Variants in NVL observed in about 807,000 individuals in gnomAD.
NVL encodes the protein nuclear valosin-containing protein-like.
Under a neutral mutation model 110.2 loss-of-function variants are expected in NVL, and 84 were observed. The observed-to-expected ratio is 0.76, with a 90% CI of 0.64 to 0.91. NVL has a LOEUF of 0.91. Among genes scored for constraint, NVL ranks in the 40% least tolerant of loss-of-function variants. NVL has a pLI of 0.00. For missense variants in NVL, 882 were observed against 1,035.9 expected, an observed-to-expected ratio of 0.85 and a Z score of 2.04; for synonymous variants, 354 against 361.1, an observed-to-expected ratio of 0.98 and a Z score of 0.22.
chr1:224,323,688 A>G (rs1465624834), intron 2 of NVL, among the ~76,000 whole-genome samples: 4 of 152,172 alleles, frequency 2.6e-5, no homozygotes, highest in Non-Finnish European at 5.9e-5. Flanking sequence ...GGCTCAAAAG[A>G]AGGCAGGGCT....
chr1:224,245,666 T>C (rs1661722099), intron 19 of NVL, among the ~76,000 whole-genome samples: 1 of 152,036 alleles, frequency 6.6e-6, no homozygotes, highest in Non-Finnish European at 1.5e-5. Context: ...TCTACAAAAG[T>C]TGCTTTTGGC....
intron 11 of NVL, among the ~76,000 whole-genome samples, 188 bp from the exon 12 acceptor site, chr1:224,294,599 G>A (rs1379793000): frequency 6.6e-6 from 1 of 152,072 alleles, no homozygotes; most frequent in African/African-American, 2.4e-5. Context: ...TACAAACTCT[G>A]TCCTCAGCAG....
At chr1:224,308,592 G>A (rs1168534173) in intron 5 of NVL, among the ~76,000 whole-genome samples, 2 of 151,320 alleles carry the variant, frequency 1.3e-5, no homozygotes, top group Non-Finnish European at 2.9e-5. Flanking sequence ...TTGGGAGGCT[G>A]AGGCAGGAGA....
At chr1:224,300,437 CA>C in intron 10 of NVL, 124 bp downstream of exon 10, 9 of 573,314 alleles carry the variant, frequency 1.6e-5, no homozygotes, top group Non-Finnish European at 2.2e-5. Flanking sequence ...AGCAAATTAC[CA>C]TGTTTATATT....
rs192671360 is a variant in NVL at position 224,296,695 on chromosome 1, T to A, written c.1063-77A>T. 9.3e-5 allele frequency: 82 copies of A among 884,102 alleles called. 1 individual carries two copies. The highest frequency in any genetic ancestry group is 3.0e-4 in the Middle Eastern group (1 of 3,342). The allele number at this position is 884,102 out of a possible 1,614,324, so 54.8% of individuals were successfully genotyped here. On this transcript the variant is annotated intron_variant, in intron 10 of 22. Transcript: ENST00000281701. Reference sequence around the variant, plus strand: ...GAAGCACAATTAAGCATATACATTTTAAAAAAAATCTTCAAGGTCAAGGAT... The same window carrying A: ...GAAGCACAATTAAGCATATACATTTAAAAAAAAATCTTCAAGGTCAAGGAT...
intron 15 of NVL, among the ~76,000 whole-genome samples, chr1:224,284,511 G>A (rs2102609197): frequency 6.6e-6 from 1 of 152,108 alleles, no homozygotes; most frequent in Non-Finnish European, 1.5e-5. Flanking sequence ...GAGTAGCTGG[G>A]ATTACAGGCA....
intron 2 of NVL, among the ~76,000 whole-genome samples, chr1:224,318,406 C>A (rs1324509302): frequency 6.6e-6 from 1 of 150,878 alleles, no homozygotes; most frequent in Non-Finnish European, 1.5e-5. Context: ...AGTTTGAGAC[C>A]ATCCCTGCCA....
chr1:224,279,247 G>C (rs1666077515), intron 16 of NVL, among the ~76,000 whole-genome samples: 1 of 152,068 alleles, frequency 6.6e-6, no homozygotes, highest in South Asian at 2.1e-4. Flanking sequence ...TACATCAACA[G>C]AGATAAGTAT....
intron 18 of NVL, among the ~76,000 whole-genome samples, chr1:224,256,217 G>A (rs1663208348): frequency 6.6e-6 from 1 of 152,066 alleles, no homozygotes; most frequent in African/African-American, 2.4e-5. Context: ...TTGAGGTCAG[G>A]AGTTCGAGAC....
rs1476892394 is a variant in NVL, at chr1:224,268,097, T to G, written c.2119A>C (p.Thr707Pro). 6.2e-7 allele frequency: 1 copy of G among 1,614,080 alleles called. No homozygotes were observed. The highest frequency in any genetic ancestry group is 8.5e-7 in the Non-Finnish European group (1 of 1,179,978). ...ASVRVVNQLLTEMDGLEARQQ... is the reference protein window; with the variant it reads ...ASVRVVNQLLPEMDGLEARQQ... ...CGTGCTTCCAGACCATCCATCTCTG[T>G]AAGTAGCTGATTCACCACTCGGACA... The change falls in exon 18 of 23, where the codon ACA becomes CCA. Residue 707 changes from threonine (T) to proline (P), a missense_variant. Thr to Pro is a conservative substitution (Grantham distance 38, BLOSUM62 -1). Around this residue, in one of 4 missense-constraint regions of NVL, gnomAD observed 66 missense variants for 127.5 expected, o/e 0.52. Transcript: ENST00000281701.
chr1:224,259,415 A>T (rs1271855635), intron 18 of NVL, among the ~76,000 whole-genome samples: 1 of 152,052 alleles, frequency 6.6e-6, no homozygotes, highest in East Asian at 1.9e-4. Context: ...CTAAGATTAG[A>T]TTGTTGGGAT....
intron 20 of NVL, among the ~76,000 whole-genome samples, chr1:224,233,917 C>T (rs1432961389): frequency 3.9e-5 from 6 of 152,092 alleles, no homozygotes; most frequent in Admixed American, 6.6e-5. Flanking sequence ...GGGCTGGGCG[C>T]AGTGGGTCAT....
At position 224,296,495 on chromosome 1, in the gene NVL, A is replaced by T; in HGVS notation, c.1180+6T>A. 1 of 1,426,350 alleles carries T rather than the reference A, an allele frequency of 7.0e-7. No individual in the cohort carries two copies. Among genetic ancestry groups the T allele is most frequent in the Non-Finnish European group, 9.6e-7 (1 of 1,046,140 alleles). The allele number at this position is 1,426,350 out of a possible 1,614,324, so 88.4% of individuals were successfully genotyped here. On this transcript the variant is annotated splice_donor_region_variant and intron_variant, in intron 11 of 22. Coordinates refer to ENST00000281701, the MANE Select transcript of NVL (RefSeq NM_002533.4). The stretch of plus-strand genomic sequence containing the variant: ...TCTTAAAATGAATTTATTATTTTAA[A>T]CTAACCATCCATGCAGGTTAGGAGT...
At position 224,228,706 on chromosome 1, in the gene NVL, G is replaced by A. The variant is rs1460893296; in HGVS notation, c.2527-1036C>T. ...TGTAATCCCAGCACTTTGGGAGGCT[G>A]AGATGGGTGGATCACGAGGTCAGGA... On this transcript the variant is annotated intron_variant, in intron 22 of 22. Transcript: ENST00000281701. Among the ~76,000 whole-genome samples the A allele has an allele frequency of 4.0e-5, 6 of 150,248 alleles. No homozygotes were observed. In the East Asian group the frequency reaches 1.0e-3, roughly 25 times the overall value.
rs112167541 is a variant in NVL, at chr1:224,294,951, A to G, written c.1181-540T>C. On this transcript the variant is annotated intron_variant, in intron 11 of 22. Coordinates refer to ENST00000281701, the MANE Select transcript of NVL (RefSeq NM_002533.4). ...GGGAGGATGCCAAAGTCTGTGTCTC[A>G]GAATAGACTGATAAAATTAATTCGA... Among the ~76,000 whole-genome samples the G allele has an allele frequency of 1.5e-3, 228 of 152,360 alleles. 1 individual carries two copies. Among genetic ancestry groups the G allele is most frequent in the African/African-American group, 5.4e-3 (223 of 41,584 alleles).
At chr1:224,232,495 G>T (rs1163604604) in intron 21 of NVL, among the ~76,000 whole-genome samples, 3 of 152,122 alleles carry the variant, frequency 2.0e-5, no homozygotes, top group Non-Finnish European at 4.4e-5. Flanking sequence ...AAGTAGTTAG[G>T]ACTATAGGCA....
Position 224,262,981 on chromosome 1 carries a change from G to C in NVL, c.2182+5053C>G, listed in dbSNP as rs775198822. On this transcript the variant is annotated intron_variant, in intron 18 of 22. Transcript: ENST00000281701. ...GGTGGGAGTGGAGGGTATGGAGAAAGGGTGAACATAAGATAACTAAATCTT... is the reference window on the plus strand; with the variant it reads ...GGTGGGAGTGGAGGGTATGGAGAAACGGTGAACATAAGATAACTAAATCTT... Among the ~76,000 whole-genome samples the C allele has an allele frequency of 3.3e-5, 5 of 152,116 alleles. No homozygotes were observed. In the South Asian group the frequency reaches 1.0e-3, roughly 32 times the overall value.
At chr1:224,229,306 A>T (rs1009361111) in intron 22 of NVL, among the ~76,000 whole-genome samples, 2 of 150,450 alleles carry the variant, frequency 1.3e-5, no homozygotes, top group African/African-American at 4.9e-5. Flanking sequence ...CAAAAAAATA[A>T]ATAAATAAAT....
At chr1:224,268,813 G>T (rs112827918) in intron 17 of NVL, among the ~76,000 whole-genome samples, 1 of 151,018 alleles carries the variant, frequency 6.6e-6, no homozygotes, top group South Asian at 2.1e-4. Flanking sequence ...CGTATGCCAC[G>T]ATGCCTGGCT....
Sources: gnomAD v4.1 joint callset for allele counts (sites outside exome capture counted in the v4.1 genomes callset) on GRCh38, gnomAD v4.1.1 for gene constraint, gnomAD v4.1.1 regional missense constraint, MANE v1.5 for transcripts, NCBI Gene and HGNC (gene_info 2026-07-23, HGNC 2026-07-21) for gene names.